The following SPOP variants were observed in gnomAD, a reference collection of about 807,000 sequenced individuals.
SPOP encodes the protein speckle type BTB/POZ protein, also known as speckle-type POZ protein.
Under a neutral mutation model 45.6 loss-of-function variants are expected in SPOP, and 11 were observed. The observed-to-expected ratio is 0.24, with a 90% CI of 0.15 to 0.40. SPOP has a LOEUF of 0.40. Ranked by LOEUF, SPOP falls within the 10% of genes least tolerant of loss-of-function variation. The pLI is 1.00. For synonymous variants in SPOP, 166 were observed against 166.3 expected (o/e 1.00, Z 0.01); for missense variants, 152 against 465.6 (o/e 0.33, Z 6.20).
intron 1 of SPOP, among the ~76,000 whole-genome samples, chr17:49,633,806 A>G (rs1431029869): frequency 6.6e-6 from 1 of 152,140 alleles, no homozygotes; most frequent in Non-Finnish European, 1.5e-5. Context: ...TTTACTTTTA[A>G]TTTAGGCACA....
At chr17:49,635,130 C>A (rs1451163802) in intron 1 of SPOP, among the ~76,000 whole-genome samples, 1 of 152,178 alleles carries the variant, frequency 6.6e-6, no homozygotes, top group Non-Finnish European at 1.5e-5. Flanking sequence ...TAGAAACAAT[C>A]TGCAGAAAAT....
chr17:49,673,184 T>C (rs979036246), intron 1 of SPOP, among the ~76,000 whole-genome samples: 1 of 152,064 alleles, frequency 6.6e-6, no homozygotes, highest in Non-Finnish European at 1.5e-5. Flanking sequence ...TGTCATGATG[T>C]TTGCAATACA....
chr17:49,638,114 T>C (rs775208430), intron 1 of SPOP, among the ~76,000 whole-genome samples: 39 of 152,180 alleles, frequency 2.6e-4, no homozygotes, highest in Non-Finnish European at 4.4e-4. Flanking sequence ...ACTGGAGAGA[T>C]AGCCAAGCAA....
At chr17:49,623,126 A>C (rs1460191630) in intron 1 of SPOP, among the ~76,000 whole-genome samples, 1 of 151,984 alleles carries the variant, frequency 6.6e-6, no homozygotes, top group Non-Finnish European at 1.5e-5. Context: ...CTCCTGCCTA[A>C]GCCTCCCGAG....
intron 1 of SPOP, among the ~76,000 whole-genome samples, chr17:49,664,915 T>C (rs17712721): frequency 0.075 from 11,439 of 152,294 alleles, 483 homozygotes; most frequent in South Asian, 0.13. Flanking sequence ...CCTTAGATTC[T>C]GCAACAGCTA....
intron 1 of SPOP, among the ~76,000 whole-genome samples, chr17:49,632,295 C>G (rs2072465058): frequency 6.6e-6 from 1 of 152,128 alleles, no homozygotes; most frequent in Non-Finnish European, 1.5e-5. Context: ...ATACCCTTCC[C>G]TGATTAAAAA....
intron 1 of SPOP, among the ~76,000 whole-genome samples, chr17:49,652,067 T>C (rs2072850056): frequency 1.3e-5 from 2 of 151,650 alleles, no homozygotes; most frequent in Non-Finnish European, 2.9e-5. Flanking sequence ...CTACTACAGG[T>C]GGATCATCCC....
intron 1 of SPOP, among the ~76,000 whole-genome samples, chr17:49,669,763 C>CAAAA (rs3034924): frequency 8.7e-5 from 9 of 103,188 alleles, no homozygotes; most frequent in African/African-American, 2.0e-4. Flanking sequence ...GACTCTGCCT[C>CAAAA]AAAAAAAAAA....
At chr17:49,674,132 C>G (rs987897330) in intron 1 of SPOP, among the ~76,000 whole-genome samples, 1 of 151,610 alleles carries the variant, frequency 6.6e-6, no homozygotes, top group African/African-American at 2.4e-5. Context: ...GGGCAACAGC[C>G]GTGAAACTTG....
chr17:49,606,321 A>AT (rs2071844247), intron 8 of SPOP, among the ~76,000 whole-genome samples: 1 of 150,490 alleles, frequency 6.6e-6, no homozygotes, highest in African/African-American at 2.4e-5. Context: ...ACTTGGCTAA[A>AT]TTTTTTTATT....
At chr17:49,672,607 A>G (rs1328643524) in intron 1 of SPOP, among the ~76,000 whole-genome samples, 1 of 152,214 alleles carries the variant, frequency 6.6e-6, no homozygotes, top group African/African-American at 2.4e-5. Context: ...AGAAAATCCC[A>G]TAAGTGATAT....
chr17:49,623,817 G>A (rs578165661), intron 1 of SPOP, among the ~76,000 whole-genome samples: 2 of 151,188 alleles, frequency 1.3e-5, no homozygotes, highest in East Asian at 1.9e-4. Context: ...GATTATCTTC[G>A]TCCACTGTTG....
chr17:49,602,443 G>C (rs1173963721), intron 8 of SPOP: 2 of 157,648 alleles, frequency 1.3e-5, no homozygotes, highest in African/African-American at 4.8e-5. Context: ...CTGTGGGGAA[G>C]GGTGAAAGAA....
chr17:49,661,350 T>C (rs1597978334), intron 1 of SPOP, among the ~76,000 whole-genome samples: 1 of 149,572 alleles, frequency 6.7e-6, no homozygotes, highest in Non-Finnish European at 1.5e-5. Context: ...TGCTATGCTC[T>C]TCATCATTTT....
intron 1 of SPOP, among the ~76,000 whole-genome samples, chr17:49,648,999 C>T (rs770008258): frequency 2.0e-5 from 3 of 152,038 alleles, no homozygotes; most frequent in Non-Finnish European, 4.4e-5. Context: ...CCCCATGATC[C>T]GCCAGCCTTG....
chr17:49,617,719 T>C (rs866710050), intron 5 of SPOP, among the ~76,000 whole-genome samples: 4 of 151,460 alleles, frequency 2.6e-5, no homozygotes, highest in Non-Finnish European at 4.4e-5. Flanking sequence ...AGGTCAGGAG[T>C]TCGAGACCAG....
intron 5 of SPOP, chr17:49,618,403 G>A: frequency 2.7e-6 from 1 of 368,266 alleles, no homozygotes; most frequent in Non-Finnish European, 5.3e-6. Context: ...TTAGGTCACT[G>A]GTGAGAGGAC....
intron 1 of SPOP, among the ~76,000 whole-genome samples, chr17:49,641,263 C>CAAA (rs34207707): frequency 1.5e-4 from 7 of 47,562 alleles, no homozygotes; most frequent in Non-Finnish European, 1.5e-4. Context: ...ACTCTGTCTC[C>CAAA]AAAAAAAAAA....
intron 6 of SPOP, among the ~76,000 whole-genome samples, chr17:49,610,826 G>C (rs2071956806): frequency 6.6e-6 from 1 of 152,184 alleles, no homozygotes; most frequent in Non-Finnish European, 1.5e-5. Flanking sequence ...GATCCTCCAT[G>C]TCAGGGGCAA....
Sources: gnomAD v4.1 joint callset for allele counts (sites outside exome capture counted in the v4.1 genomes callset) on GRCh38, gnomAD v4.1.1 for gene constraint, MANE v1.5 for transcripts, NCBI Gene and HGNC (gene_info 2026-07-23, HGNC 2026-07-21) for gene names.